Variants in SFRP1 observed in about 807,000 individuals in gnomAD.
SFRP1 encodes the protein secreted frizzled-related protein 1.
A neutral mutation model predicts 25.9 loss-of-function variants in SFRP1; 9 were observed. The observed-to-expected ratio is 0.35, with a 90% CI of 0.21 to 0.61. The LOEUF (loss-of-function observed/expected upper bound fraction) is 0.61. Among genes scored for constraint, SFRP1 ranks in the 20% least tolerant of loss-of-function variants. The probability of loss-of-function intolerance (pLI) is 0.78; values close to 1 mark genes in which losing one functional copy is unlikely to be tolerated. For synonymous variants in SFRP1, 178 were observed against 174.0 expected (o/e 1.02, Z -0.18); for missense variants, 346 against 418.2 (o/e 0.83, Z 1.51).
rs994813795 is a variant in SFRP1 at position 41,284,356 on chromosome 8, C to A, written c.623-18867G>T. Among the ~76,000 whole-genome samples, 21 of 147,422 alleles carry A rather than the reference C, an allele frequency of 1.4e-4. 1 individual carries two copies. Among genetic ancestry groups the A allele is most frequent in the African/African-American group, 5.2e-4 (21 of 40,352 alleles). ...GGCCCGGCCAACATTGCTGGAGGGC[C>A]CCTCCCACATTGCTGGAGGGCCCCC... On this transcript the variant is annotated intron_variant, in intron 2 of 2. Coordinates refer to ENST00000220772, the MANE Select transcript of SFRP1 (RefSeq NM_003012.5).
intron 2 of SFRP1, among the ~76,000 whole-genome samples, chr8:41,296,427 G>A (rs368067045): frequency 6.6e-6 from 1 of 151,932 alleles, no homozygotes; most frequent in South Asian, 2.1e-4. Flanking sequence ...GCCTTCCAAA[G>A]CGAAGGCATG....
intron 2 of SFRP1, among the ~76,000 whole-genome samples, chr8:41,279,937 A>G (rs1311471125): frequency 6.6e-6 from 1 of 152,066 alleles, no homozygotes; most frequent in Non-Finnish European, 1.5e-5. Flanking sequence ...TATTTATCCA[A>G]CTTTCTACAC....
At chr8:41,296,911 A>G (rs1282806611) in intron 2 of SFRP1, among the ~76,000 whole-genome samples, 5 of 152,190 alleles carry the variant, frequency 3.3e-5, no homozygotes, top group African/African-American at 1.2e-4. Flanking sequence ...GTTTACGTTG[A>G]CATAAGGATG....
chr8:41,295,613 C>T (rs1441642477), intron 2 of SFRP1, among the ~76,000 whole-genome samples: 2 of 152,070 alleles, frequency 1.3e-5, no homozygotes, highest in Non-Finnish European at 2.9e-5. Context: ...CATCACCATT[C>T]ATGTGTCCAT....
At chr8:41,306,625 C>T (rs1804001024) in intron 1 of SFRP1, 1 of 1,424,450 alleles carries the variant, frequency 7.0e-7, no homozygotes, top group Admixed American at 2.1e-5. Context: ...CCACCAAAAC[C>T]ACTGAGGGGA....
At position 41,308,952 on chromosome 8, in the gene SFRP1, T is replaced by A; in HGVS notation, c.208A>T (p.Asn70Tyr). The change falls in exon 1 of 3, where the codon AAC (asparagine) becomes TAC (tyrosine). Residue 70 changes from asparagine (N) to tyrosine (Y), a missense_variant. Transcript: ENST00000220772. The part of the protein sequence containing the change: ...DIPADLRLCH[N>Y]VGYKKMVLPN... ...AGCACCATCTTCTTGTAGCCCACGT[T>A]GTGGCACAGCCGCAGGTCCGCGGGG... 1 of 1,613,566 alleles carries A rather than the reference T, an allele frequency of 6.2e-7. No individual in the cohort carries two copies. Among genetic ancestry groups the A allele is most frequent in the South Asian group, 1.1e-5 (1 of 91,064 alleles).
chr8:41,271,410 C>A, intron 2 of SFRP1: 1 of 159,884 alleles, frequency 6.3e-6, no homozygotes, highest in South Asian at 1.6e-4. Flanking sequence ...CACTTTTTGC[C>A]TTGTTGCACT....
chr8:41,283,932 C>T (rs1803666691), intron 2 of SFRP1, among the ~76,000 whole-genome samples: 1 of 152,156 alleles, frequency 6.6e-6, no homozygotes, highest in Non-Finnish European at 1.5e-5. Context: ...GAGCTTGTTA[C>T]TTTGCTCAGC....
Position 41,309,122 on chromosome 8 carries a change from G to T in SFRP1, c.38C>A (p.Ala13Glu). ...IGRSEGGRRG[A>E]ALGVLLALGA... ...CAGCGCCAGCAGCACGCCCAGGGCT[G>T]CCCCGCGGCGGCCCCCCTCGCTGCG... Residue 13 changes from alanine (A) to glutamate (E), a missense_variant, in exon 1 of 3, where the codon GCA (alanine) becomes GAA (glutamate). By Grantham distance (107) the Ala-to-Glu change is moderately radical. Coordinates refer to ENST00000220772, the MANE Select transcript of SFRP1 (RefSeq NM_003012.5). 1 of 1,303,746 alleles carries T rather than the reference G, an allele frequency of 7.7e-7. No individual in the cohort carries two copies. The highest frequency in any genetic ancestry group is 1.7e-5 in the South Asian group (1 of 58,076). The allele number at this position is 1,303,746 out of a possible 1,614,324, so 80.8% of individuals were successfully genotyped here.
In SFRP1 at chr8:41,308,735, G is replaced by T; in HGVS notation, c.425C>A (p.Pro142Gln). The T allele has an allele frequency of 6.2e-7, 1 of 1,608,746 alleles. No individual in the cohort carries two copies. The highest frequency in any genetic ancestry group is 8.5e-7 in the Non-Finnish European group (1 of 1,177,830). ...GTAGAAGCCGAAGAACTGCATGACC[G>T]GCTCGCACGAGTCGCGCACGGCCTC... ...LCEAVRDSCE[P>Q]VMQFFGFYWP... is the part of the protein sequence containing the mutation. Residue 142 changes from proline (P) to glutamine (Q), a missense_variant, in exon 1 of 3, where the codon CCG (proline) becomes CAG (glutamine). By Grantham distance (76) the Pro-to-Gln change is moderately conservative (BLOSUM62 -1). Coordinates refer to ENST00000220772, the MANE Select transcript of SFRP1 (RefSeq NM_003012.5).
At chr8:41,276,852 G>C (rs896285596) in intron 2 of SFRP1, 5 of 444,984 alleles carry the variant, frequency 1.1e-5, no homozygotes, top group Admixed American at 4.7e-5. Context: ...CAGGAGAGTA[G>C]AGATTGCAAC....
chr8:41,304,758 G>T (rs1275433569), intron 1 of SFRP1, among the ~76,000 whole-genome samples: 1 of 152,094 alleles, frequency 6.6e-6, no homozygotes, highest in African/African-American at 2.4e-5. Flanking sequence ...GATCAAGGCT[G>T]CCCTCAGGAC....
chr8:41,282,970 G>A (rs1803654044), intron 2 of SFRP1, among the ~76,000 whole-genome samples: 1 of 152,156 alleles, frequency 6.6e-6, no homozygotes, highest in Non-Finnish European at 1.5e-5. Context: ...GAAGCTCTCT[G>A]TGGCTATCTA....
intron 2 of SFRP1, among the ~76,000 whole-genome samples, chr8:41,291,254 T>C (rs1803776331): frequency 6.6e-6 from 1 of 152,094 alleles, no homozygotes; most frequent in Non-Finnish European, 1.5e-5. Flanking sequence ...TGTTTTAAAA[T>C]AAGTTCCCAG....
At chr8:41,307,602 T>C (rs758315295) in intron 1 of SFRP1, among the ~76,000 whole-genome samples, 1 of 152,230 alleles carries the variant, frequency 6.6e-6, no homozygotes, top group Non-Finnish European at 1.5e-5. Flanking sequence ...CCTGACCCTC[T>C]CCACACCTCA....
intron 2 of SFRP1, among the ~76,000 whole-genome samples, chr8:41,297,236 G>T (rs1330415883): frequency 2.0e-5 from 3 of 152,112 alleles, no homozygotes; most frequent in Non-Finnish European, 4.4e-5. Flanking sequence ...TAGAGATGGG[G>T]TTTCGCCATT....
intron 2 of SFRP1, among the ~76,000 whole-genome samples, chr8:41,284,975 G>A (rs137903945): frequency 6.6e-5 from 10 of 152,330 alleles, no homozygotes; most frequent in Admixed American, 5.2e-4. Flanking sequence ...CACCGCAAGA[G>A]TAAGTGGAGG....
At chr8:41,298,977 A>G (rs1803876847) in intron 2 of SFRP1, among the ~76,000 whole-genome samples, 1 of 151,484 alleles carries the variant, frequency 6.6e-6, no homozygotes, top group South Asian at 2.1e-4. Context: ...CCTTCTCTCC[A>G]CTCCCCTTCT....
Position 41,263,177 on chromosome 8 carries a change from C to G in SFRP1, c.*1990G>C, listed in dbSNP as rs991142902. On this transcript the variant is annotated 3_prime_UTR_variant, in exon 3 of 3. Coordinates refer to ENST00000220772, the MANE Select transcript of SFRP1 (RefSeq NM_003012.5). ...AGCACTGAACTCTTGAGTGAATCAA[C>G]CAGAACTAAGACCCAGATCCACGCA... 1 of 152,596 alleles carries G rather than the reference C, an allele frequency of 6.6e-6. No homozygotes were observed. The highest frequency in any genetic ancestry group is 2.4e-5 in the African/African-American group (1 of 41,444). The allele number at this position is 152,596 out of a possible 1,614,324, so 9.5% of individuals were successfully genotyped here.
Sources: allele counts gnomAD v4.1 joint callset (sites outside exome capture counted in the v4.1 genomes callset), GRCh38; gene constraint gnomAD v4.1.1; transcripts MANE v1.5; gene names NCBI Gene and HGNC (gene_info 2026-07-23, HGNC 2026-07-21).